ARHGAP35: variants seen among roughly 807,000 people sequenced by gnomAD.
The protein encoded by ARHGAP35 is rho GTPase-activating protein 35.
A neutral mutation model predicts 111.1 loss-of-function variants in ARHGAP35; 15 were observed. That is an observed-to-expected ratio of 0.13 (90% CI 0.09 to 0.21). The LOEUF (loss-of-function observed/expected upper bound fraction) is 0.21. ARHGAP35 is among the 10% of genes least tolerant of loss of function. The probability of loss-of-function intolerance (pLI) is 1.00; values close to 1 mark genes in which losing one functional copy is unlikely to be tolerated. For synonymous variants in ARHGAP35, 643 were observed against 710.3 expected (o/e 0.91, Z 1.51); for missense variants, 1,262 against 1,873.0 (o/e 0.67, Z 6.02).
intron 1 of ARHGAP35, among the ~76,000 whole-genome samples, chr19:46,877,726 G>C (rs2055933566): frequency 1.3e-5 from 2 of 151,280 alleles, no homozygotes; most frequent in South Asian, 4.2e-4. Context: ...TTTTGGAGGG[G>C]GGACAGTTTC....
intron 1 of ARHGAP35, among the ~76,000 whole-genome samples, chr19:46,905,779 T>G (rs1406761416): frequency 1.3e-5 from 2 of 151,930 alleles, no homozygotes; most frequent in Non-Finnish European, 2.9e-5. Flanking sequence ...CTTGAACCCC[T>G]AACCTCACAT....
intron 3 of ARHGAP35, among the ~76,000 whole-genome samples, chr19:46,982,116 G>A (rs568026668): frequency 1.9e-4 from 29 of 152,030 alleles, no homozygotes; most frequent in Non-Finnish European, 3.1e-4. Context: ...CCAAAGTGCT[G>A]GGATTATAGG....
At chr19:46,969,842 T>G (rs1341275352) in intron 3 of ARHGAP35, among the ~76,000 whole-genome samples, 1 of 152,140 alleles carries the variant, frequency 6.6e-6, no homozygotes, top group Non-Finnish European at 1.5e-5. Flanking sequence ...CTCTGTATTT[T>G]CCTAGGAATG....
intron 1 of ARHGAP35, among the ~76,000 whole-genome samples, chr19:46,911,258 AGATTGAAT>A (rs1462640376): frequency 6.6e-6 from 1 of 152,156 alleles, no homozygotes; most frequent in Non-Finnish European, 1.5e-5. Context: ...CACTTACTCC[AGATTGAAT>A]GGTTTTTCTT....
intron 1 of ARHGAP35, among the ~76,000 whole-genome samples, chr19:46,865,046 T>G (rs1209371364): frequency 1.3e-5 from 2 of 152,226 alleles, no homozygotes; most frequent in Non-Finnish European, 2.9e-5. Flanking sequence ...CCACCTTAAC[T>G]GGTAACCGAT....
At chr19:46,975,458 A>T (rs1468419797) in intron 3 of ARHGAP35, among the ~76,000 whole-genome samples, 2 of 152,144 alleles carry the variant, frequency 1.3e-5, no homozygotes, top group Non-Finnish European at 2.9e-5. Context: ...GTGCCGCGGC[A>T]GCACAGTGAG....
At chr19:46,875,346 C>T (rs953714952) in intron 1 of ARHGAP35, among the ~76,000 whole-genome samples, 9 of 151,984 alleles carry the variant, frequency 5.9e-5, no homozygotes, top group Non-Finnish European at 1.0e-4. Flanking sequence ...GTCTTTTGTT[C>T]CTCCATTTGT....
intron 1 of ARHGAP35, among the ~76,000 whole-genome samples, chr19:46,907,306 T>G (rs1251050854): frequency 7.3e-6 from 1 of 136,290 alleles, no homozygotes; most frequent in Non-Finnish European, 1.6e-5. Flanking sequence ...GCCACCACGC[T>G]CGGCTGATTT....
rs549845311 is a variant in ARHGAP35 at position 47,000,203 on chromosome 19, C to A, written c.4143-128C>A. On this transcript the variant is annotated intron_variant, in intron 6 of 6. Coordinates refer to ENST00000672722, the MANE Select transcript of ARHGAP35 (RefSeq NM_004491.5). This position sits in a 1 kb window ranked among gnomAD's most constrained non-coding sequence, Gnocchi z 6.9. ...AGGCAGGGCAGGGTACAGAGAGCTG[C>A]GCATGGCCTTTTCTGCTCCACCTGA... The A allele has an allele frequency of 7.7e-5, 76 of 985,312 alleles. No homozygotes were observed. The African/African-American group carries it at 1.1e-3, about 14-fold the overall frequency. 61.0% of individuals were successfully genotyped at this position (985,312 alleles called of 1,614,324 possible). A position where few individuals can be genotyped will look rare whatever the true frequency, so the allele number is the denominator to read the frequency against.
rs2056209147 is a variant in ARHGAP35, at chr19:46,922,451, A to T, written c.3681+95A>T. 9 of 1,061,576 alleles carry T rather than the reference A, an allele frequency of 8.5e-6. No homozygotes were observed. Among genetic ancestry groups the T allele is most frequent in the East Asian group, 2.9e-5 (1 of 34,080 alleles). The allele number at this position is 1,061,576 out of a possible 1,614,324, so 65.8% of individuals were successfully genotyped here. On this transcript the variant is annotated intron_variant, in intron 2 of 6. Coordinates refer to ENST00000672722, the MANE Select transcript of ARHGAP35 (RefSeq NM_004491.5). The surrounding 1 kb of genome is among the most constrained non-coding windows in gnomAD (Gnocchi z 4.0). The stretch of plus-strand genomic sequence containing the variant: ...TTTTTCAAGGACAACCTATTCTGGT[A>T]AAAAAAAAACTGCCCTGTGTGTGTA...
At chr19:46,871,858 T>C (rs942746104) in intron 1 of ARHGAP35, among the ~76,000 whole-genome samples, 1 of 151,914 alleles carries the variant, frequency 6.6e-6, no homozygotes, top group African/African-American at 2.4e-5. Context: ...CGGGTGCCTG[T>C]AATCCCAGCT....
chr19:46,877,499 G>A (rs183453071), intron 1 of ARHGAP35, among the ~76,000 whole-genome samples: 2 of 151,808 alleles, frequency 1.3e-5, no homozygotes, highest in East Asian at 3.9e-4. Context: ...GGGAGGTGGA[G>A]GTTGCAGTGA....
At chr19:46,998,098 T>C (rs902839739) in intron 5 of ARHGAP35, among the ~76,000 whole-genome samples, 8 of 150,022 alleles carry the variant, frequency 5.3e-5, no homozygotes, top group African/African-American at 2.0e-4. Context: ...TGAGACTCCG[T>C]CTCAAAAAAA....
chr19:46,993,839 G>A lies in ARHGAP35; in HGVS notation c.4036+4164G>A, dbSNP rs117941399. On this transcript the variant is annotated intron_variant, in intron 5 of 6. Transcript: ENST00000672722. The surrounding 1 kb of genome is among the most constrained non-coding windows in gnomAD (Gnocchi z 4.6). The stretch of plus-strand genomic sequence containing the variant: ...GGGTGAGCGCAGTGTGGAGGCTGGG[G>A]TCTCCTCCATAGGCCACCTTCTCTC... Among the ~76,000 whole-genome samples the A allele has an allele frequency of 4.2e-3, 632 of 152,114 alleles. 2 individuals carry two copies. Among genetic ancestry groups the A allele is most frequent in the Non-Finnish European group, 3.9e-3 (267 of 67,996 alleles).
At chr19:46,938,589 G>A (rs311379) in intron 3 of ARHGAP35, among the ~76,000 whole-genome samples, 1 of 151,668 alleles carries the variant, frequency 6.6e-6, no homozygotes, top group Admixed American at 6.6e-5. Context: ...CTGACCTCAG[G>A]TGATCTGCCC....
chr19:46,864,129 G>T (rs1363000182), intron 1 of ARHGAP35, among the ~76,000 whole-genome samples: 1 of 152,232 alleles, frequency 6.6e-6, no homozygotes, highest in African/African-American at 2.4e-5. Context: ...TGAGTGACCT[G>T]ATTGGGTAGA....
At chr19:46,983,389 G>A (rs2056631615) in intron 3 of ARHGAP35, among the ~76,000 whole-genome samples, 1 of 152,214 alleles carries the variant, frequency 6.6e-6, no homozygotes, top group Admixed American at 6.5e-5. Context: ...ACTTAGCACC[G>A]TGTGCCTCAT....
In ARHGAP35 at chr19:46,945,087, C is replaced by T. The variant is rs775779553; in HGVS notation, c.3826+7679C>T. 6.6e-5 allele frequency among the ~76,000 whole-genome samples: 10 copies of T among 152,070 alleles called. No individual in the cohort carries two copies. Among genetic ancestry groups the T allele is most frequent in the Non-Finnish European group, 1.0e-4 (7 of 68,030 alleles). ...TATTCGACTTTCACTCTCTCAGCTCCGGTTACATGGAAAGGCTGGATGAGG... is the reference window on the plus strand; with the variant it reads ...TATTCGACTTTCACTCTCTCAGCTCTGGTTACATGGAAAGGCTGGATGAGG... On this transcript the variant is annotated intron_variant, in intron 3 of 6. Transcript: ENST00000672722. This position sits in a 1 kb window ranked among gnomAD's most constrained non-coding sequence, Gnocchi z 4.1.
In ARHGAP35 at chr19:46,920,919, A is replaced by G; in HGVS notation, c.2244A>G (p.Glu748=). 1 of 1,613,808 alleles carries G rather than the reference A, an allele frequency of 6.2e-7. No homozygotes were observed. The highest frequency in any genetic ancestry group is 8.5e-7 in the Non-Finnish European group (1 of 1,179,696). ...AGIGYGRNIN[E]KQISQVLKGL... ...TTGGTTACGGACGCAACATTAATGA[A>G]AAGCAAATCAGTCAAGTTTTGAAGG... The change falls in exon 2 of 7, where the codon GAA becomes GAG. Residue 748 remains glutamate (E), a synonymous_variant. Transcript: ENST00000672722. The surrounding 1 kb of genome is among the most constrained non-coding windows in gnomAD (Gnocchi z 7.0).
Sources: allele counts gnomAD v4.1 joint callset (sites outside exome capture counted in the v4.1 genomes callset), GRCh38; gene constraint gnomAD v4.1.1; non-coding constraint Gnocchi (gnomAD v3.1); transcripts MANE v1.5; gene names NCBI Gene and HGNC (gene_info 2026-07-23, HGNC 2026-07-21).